Variants in LINGO2 observed in about 807,000 individuals in gnomAD.
LINGO2 encodes leucine-rich repeat and immunoglobulin-like domain-containing nogo receptor-interacting protein 2.
In LINGO2, 14 loss-of-function variants were observed where a neutral mutation model predicts 30.6. The observed-to-expected ratio is 0.46, with a 90% CI of 0.30 to 0.72. The LOEUF (loss-of-function observed/expected upper bound fraction) is 0.72. Among genes scored for constraint, LINGO2 ranks in the 30% least tolerant of loss-of-function variants. The pLI, the probability that LINGO2 is intolerant of heterozygous loss-of-function variation, is 0.07. For missense variants in LINGO2, 729 were observed against 751.7 expected (o/e 0.97, Z 0.35); for synonymous variants, 317 against 288.5 (o/e 1.10, Z -1.00).
At chr9:28,910,978 T>C in the LINGO2 span, among the ~76,000 whole-genome samples, 1 of 152,052 alleles carries the variant, frequency 6.6e-6, no homozygotes, top group African/African-American at 2.4e-5. Flanking sequence ...GCAAAAACAG[T>C]TTATGTCTTT....
At position 28,437,549 on chromosome 9, in the gene LINGO2, GCACACACA is replaced by G. The variant is rs58406750; in HGVS notation, c.-279+38383_-279+38390del. Among the ~76,000 whole-genome samples the G allele has an allele frequency of 1.2e-3, 180 of 147,678 alleles. 1 individual carries two copies. The highest frequency in any genetic ancestry group is 2.6e-3 in the African/African-American group (105 of 40,058). On this transcript the variant is annotated intron_variant, in intron 2 of 5. Transcript: ENST00000379992. ...CACACAGACACATATACACACAGAC[GCACACACA>G]CACACACACACACACACACAGACGC...
At chr9:29,069,022 A>G in the LINGO2 span, among the ~76,000 whole-genome samples, 4 of 151,874 alleles carry the variant, frequency 2.6e-5, 1 homozygote, top group Admixed American at 6.6e-5. Context: ...TGAGTTTTGC[A>G]TTCAGTTGTT....
At chr9:28,569,282 CTGGGT>C (rs1045853670) in intron 1 of LINGO2, among the ~76,000 whole-genome samples, 79 of 152,034 alleles carry the variant, frequency 5.2e-4, no homozygotes, top group African/African-American at 1.9e-3. Context: ...AATCCCACTT[CTGGGT>C]ATACAGCCAA....
At chr9:28,650,781 T>C (rs1184992457) in intron 1 of LINGO2, among the ~76,000 whole-genome samples, 2 of 152,232 alleles carry the variant, frequency 1.3e-5, no homozygotes, top group East Asian at 3.8e-4. Context: ...ATTTTCATTA[T>C]CCATAGTGAT....
At chr9:28,618,236 C>G (rs1000101480) in intron 1 of LINGO2, among the ~76,000 whole-genome samples, 1 of 152,118 alleles carries the variant, frequency 6.6e-6, no homozygotes, top group Non-Finnish European at 1.5e-5. Flanking sequence ...TTATTCTTCC[C>G]CATGTCAATT....
At chr9:29,085,310 A>T in the LINGO2 span, among the ~76,000 whole-genome samples, 35 of 142,864 alleles carry the variant, frequency 2.4e-4, no homozygotes, top group African/African-American at 9.2e-4. Context: ...AAAAAAAAAA[A>T]AGAATAAATT....
chr9:28,592,781 G>T (rs1824982156), intron 1 of LINGO2, among the ~76,000 whole-genome samples: 2 of 151,954 alleles, frequency 1.3e-5, no homozygotes, highest in African/African-American at 4.8e-5. Flanking sequence ...GAGAAACATA[G>T]CTTGTTTTTT....
At chr9:28,647,302 T>C (rs376501982) in intron 1 of LINGO2, among the ~76,000 whole-genome samples, 3 of 152,226 alleles carry the variant, frequency 2.0e-5, no homozygotes, top group South Asian at 4.1e-4. Context: ...TACTTAAATG[T>C]ATAAGTTAAT....
At chr9:28,753,141 A>T in the LINGO2 span, among the ~76,000 whole-genome samples, 1 of 151,950 alleles carries the variant, frequency 6.6e-6, no homozygotes, top group East Asian at 1.9e-4. Flanking sequence ...ATATTTTGGA[A>T]GGAGTGTAGG....
At chr9:28,687,939 CTG>C in the LINGO2 span, among the ~76,000 whole-genome samples, 1 of 152,088 alleles carries the variant, frequency 6.6e-6, no homozygotes, top group Non-Finnish European at 1.5e-5. Context: ...AGCAAAGACT[CTG>C]TGAATGGGAA....
the LINGO2 span, among the ~76,000 whole-genome samples, chr9:28,933,631 AG>A: frequency 1.3e-5 from 2 of 152,168 alleles, no homozygotes; most frequent in Non-Finnish European, 2.9e-5. Context: ...AAACAGAGCC[AG>A]GGAAGGCCAT....
the LINGO2 span, among the ~76,000 whole-genome samples, chr9:29,129,948 T>C: frequency 2.0e-5 from 3 of 152,088 alleles, no homozygotes; most frequent in South Asian, 2.1e-4. Context: ...GTGTAAGTCA[T>C]GAAAAGGATT....
rs1015253780 is a variant in LINGO2 at position 28,451,526 on chromosome 9, T to C, written c.-279+24414A>G. 2.0e-5 allele frequency among the ~76,000 whole-genome samples: 3 copies of C among 151,904 alleles called. 1 individual carries two copies. Among genetic ancestry groups the C allele is most frequent in the South Asian group, 4.1e-4 (2 of 4,828 alleles). ...CATCAAATACACAAATTCAGGTGGT[T>C]TTTATAAACTCTTTATCTTGCCACA... On this transcript the variant is annotated intron_variant, in intron 2 of 5. Coordinates refer to ENST00000379992, the Ensembl canonical transcript of LINGO2.
intron 1 of LINGO2, among the ~76,000 whole-genome samples, chr9:28,597,881 C>T (rs562935471): frequency 5.6e-4 from 85 of 152,220 alleles, no homozygotes; most frequent in African/African-American, 1.9e-3. Flanking sequence ...TCTCTGGCCT[C>T]AGCCTCCTGA....
the LINGO2 span, among the ~76,000 whole-genome samples, chr9:28,883,818 C>A: frequency 6.7e-6 from 1 of 150,334 alleles, no homozygotes; most frequent in Non-Finnish European, 1.5e-5. Flanking sequence ...GCTGGGATTA[C>A]AGACATGCGC....
At chr9:28,802,288 T>A in the LINGO2 span, among the ~76,000 whole-genome samples, 1 of 152,028 alleles carries the variant, frequency 6.6e-6, no homozygotes, top group East Asian at 1.9e-4. Context: ...TAATTTAAAA[T>A]CTAGACAGTT....
the LINGO2 span, among the ~76,000 whole-genome samples, chr9:28,957,946 G>T: frequency 1.9e-4 from 29 of 152,154 alleles, no homozygotes; most frequent in Non-Finnish European, 3.1e-4. Context: ...TGAGGTTGGT[G>T]CTGTTAACAT....
At chr9:27,983,347 AGTAGGTGGGACCTT>A (rs1361388154) in intron 5 of LINGO2, among the ~76,000 whole-genome samples, 2 of 151,874 alleles carry the variant, frequency 1.3e-5, no homozygotes, top group Admixed American at 6.6e-5. Flanking sequence ...AATCATTTGA[AGTAGGTGGGACCTT>A]AACGGAAAAG....
chr9:29,101,643 C>T, the LINGO2 span, among the ~76,000 whole-genome samples: 4 of 152,146 alleles, frequency 2.6e-5, no homozygotes, highest in Non-Finnish European at 5.9e-5. Context: ...TTACCTCCCA[C>T]AGATAAGTGA....
Sources: gnomAD v4.1 joint callset for allele counts (sites outside exome capture counted in the v4.1 genomes callset) on GRCh38, gnomAD v4.1.1 for gene constraint, MANE v1.5 for transcripts, NCBI Gene and HGNC (gene_info 2026-07-23, HGNC 2026-07-21) for gene names.